The following MYO5C variants were observed in gnomAD, a reference collection of about 807,000 sequenced individuals.
The protein encoded by MYO5C is myosin VC, also known as unconventional myosin-Vc.
In MYO5C, 194 loss-of-function variants were observed where a neutral mutation model predicts 235.7. The ratio of observed to expected loss-of-function variants is 0.82; its 90% CI spans 0.73 to 0.93. The LOEUF is 0.93. MYO5C is among the 40% of genes least tolerant of loss of function. The pLI, the probability that MYO5C is intolerant of heterozygous loss-of-function variation, is 0.00. For missense variants in MYO5C, 2,038 were observed against 2,127.2 expected (o/e 0.96, Z 0.82); for synonymous variants, 707 against 754.8 (o/e 0.94, Z 1.04).
chr15:52,290,125 C>T (rs1207708740), intron 1 of MYO5C, among the ~76,000 whole-genome samples: 5 of 152,210 alleles, frequency 3.3e-5, no homozygotes, highest in Non-Finnish European at 7.4e-5. Flanking sequence ...CCTCCCATCT[C>T]CCCCACTGGC....
At chr15:52,283,524 T>C (rs2037202160) in intron 1 of MYO5C, among the ~76,000 whole-genome samples, 1 of 152,132 alleles carries the variant, frequency 6.6e-6, no homozygotes, top group South Asian at 2.1e-4. Context: ...GATGTACAAG[T>C]CTTTAGGTAG....
At chr15:52,242,301 A>G (rs2036243631) in intron 19 of MYO5C, 88 bp from the exon 20 acceptor site, 1 of 1,403,990 alleles carries the variant, frequency 7.1e-7, no homozygotes, top group Admixed American at 2.2e-5. Flanking sequence ...GCATGTGTTT[A>G]TAAGGAAGGT....
rs1291073405 is a variant in MYO5C, at chr15:52,195,384, T to G, written c.5069A>C (p.Lys1690Thr). 1.2e-6 allele frequency: 2 copies of G among 1,610,756 alleles called. No individual in the cohort carries two copies. Among genetic ancestry groups the G allele is most frequent in the Non-Finnish European group, 1.7e-6 (2 of 1,177,540 alleles). Residue 1690 changes from lysine to threonine, a missense_variant, in exon 40 of 41, where the codon AAA (lysine) becomes ACA (threonine). Transcript: ENST00000261839. ...CATCCTTAAGAATCTCACCTGTACT[T>G]TGCGAACAAAGGATGGAGTCACTCT... ...EKRVTPSFVR[K>T]VQALLNSRED...
intron 9 of MYO5C, among the ~76,000 whole-genome samples, chr15:52,263,739 C>T (rs1247278207): frequency 6.6e-6 from 1 of 152,202 alleles, no homozygotes; most frequent in Non-Finnish European, 1.5e-5. Context: ...TCTCTGACCA[C>T]CCCACATGAA....
At chr15:52,214,546 CTT>C in intron 33 of MYO5C, 55 bp downstream of exon 33, 1 of 1,236,108 alleles carries the variant, frequency 8.1e-7, no homozygotes, top group Non-Finnish European at 1.1e-6. Flanking sequence ...AAAATAAACA[CTT>C]GAGCGCATGT....
chr15:52,231,877 G>C (rs1362057244), intron 24 of MYO5C, among the ~76,000 whole-genome samples: 1 of 152,220 alleles, frequency 6.6e-6, no homozygotes, highest in Non-Finnish European at 1.5e-5. Context: ...ATTGAGATAG[G>C]AAAGGTGGGC....
At position 52,246,910 on chromosome 15, in the gene MYO5C, C is replaced by T. The variant is rs753253792; in HGVS notation, c.1979+7G>A. 5 of 1,611,038 alleles carry T rather than the reference C, an allele frequency of 3.1e-6. No individual in the cohort carries two copies. The highest frequency in any genetic ancestry group is 4.2e-6 in the Non-Finnish European group (5 of 1,178,424). On this transcript the variant is annotated splice_region_variant and intron_variant, in intron 16 of 40. Coordinates refer to ENST00000261839, the MANE Select transcript of MYO5C (RefSeq NM_018728.4). ...GTCTTCGCTGTGTGTTGCATAAGAA[C>T]ACTTACTCAAAGGGTAACTTCTCAT... is the stretch of plus-strand genomic sequence containing the variant.
intron 1 of MYO5C, among the ~76,000 whole-genome samples, chr15:52,285,649 TTGG>T (rs1566995206): frequency 6.6e-6 from 1 of 152,208 alleles, no homozygotes; most frequent in Non-Finnish European, 1.5e-5. Context: ...TCATATTATT[TTGG>T]TGGAGACGGA....
chr15:52,245,110 A>AG (rs2036309523), intron 18 of MYO5C, among the ~76,000 whole-genome samples: 1 of 152,138 alleles, frequency 6.6e-6, no homozygotes, highest in African/African-American at 2.4e-5. Flanking sequence ...ATCGTGGGAG[A>AG]GCTAAACAGG....
chr15:52,281,753 C>A (rs1305497929), intron 2 of MYO5C, among the ~76,000 whole-genome samples: 1 of 152,234 alleles, frequency 6.6e-6, no homozygotes, highest in Non-Finnish European at 1.5e-5. Flanking sequence ...TGTCTTTAAC[C>A]GCTGTGTTCA....
At chr15:52,268,251 A>G (rs1446891783) in intron 8 of MYO5C, among the ~76,000 whole-genome samples, 2 of 152,178 alleles carry the variant, frequency 1.3e-5, no homozygotes, top group Non-Finnish European at 2.9e-5. Context: ...ACATTTCAGC[A>G]AGAGAGATTT....
In MYO5C at chr15:52,278,959, G is replaced by A. The variant is rs749634108; in HGVS notation, c.363C>T (p.Ile121=). ...YKQLPIYGDA[I]IHAYSGQNMG... ...TGTTCTGCCCGCTGTAGGCGTGGAT[G>A]ATGGCATCTCCGTATATTGGCAACT... Residue 121 remains isoleucine, a synonymous_variant, in exon 4 of 41, where the codon ATC becomes ATT. Coordinates refer to ENST00000261839, the MANE Select transcript of MYO5C (RefSeq NM_018728.4). The A allele has an allele frequency of 2.5e-6, 4 of 1,613,970 alleles. No individual in the cohort carries two copies. The highest frequency in any genetic ancestry group is 2.7e-5 in the African/African-American group (2 of 74,904).
intron 33 of MYO5C, among the ~76,000 whole-genome samples, chr15:52,214,022 C>T (rs919049015): frequency 6.6e-6 from 1 of 152,134 alleles, no homozygotes; most frequent in Admixed American, 6.5e-5. Flanking sequence ...AAGATACAGC[C>T]TTGGCAGTAA....
chr15:52,217,130 T>C (rs2141280857), intron 32 of MYO5C, among the ~76,000 whole-genome samples: 1 of 152,348 alleles, frequency 6.6e-6, no homozygotes, highest in South Asian at 2.1e-4. Context: ...TCAGGTCTCA[T>C]TTGTGGGTAG....
At chr15:52,285,838 G>T (rs1407146420) in intron 1 of MYO5C, among the ~76,000 whole-genome samples, 1 of 152,324 alleles carries the variant, frequency 6.6e-6, no homozygotes, top group African/African-American at 2.4e-5. Context: ...CCTCCCAGCC[G>T]CCTGCCTTGG....
At chr15:52,294,589 C>T (rs2037459608) in intron 1 of MYO5C, among the ~76,000 whole-genome samples, 2 of 152,156 alleles carry the variant, frequency 1.3e-5, no homozygotes, top group South Asian at 2.1e-4. Context: ...AGCATGTGTC[C>T]GGGGAAATGG....
At chr15:52,259,924 A>C (rs952493127) in intron 10 of MYO5C, among the ~76,000 whole-genome samples, 1 of 152,212 alleles carries the variant, frequency 6.6e-6, no homozygotes, top group African/African-American at 2.4e-5. Context: ...AATGGGGTTG[A>C]GCTGCTTTTT....
At chr15:52,218,838 TC>T in intron 31 of MYO5C, 151 bp from the exon 32 acceptor site, 1 of 751,292 alleles carries the variant, frequency 1.3e-6, no homozygotes, top group African/African-American at 1.8e-5. Flanking sequence ...GGGGTGTCCT[TC>T]CAGGGGAAAG....
intron 8 of MYO5C, chr15:52,265,348 G>C (rs1035242349): frequency 1.3e-5 from 2 of 152,142 alleles, no homozygotes; most frequent in Admixed American, 6.5e-5. Context: ...GTGTGTTAAT[G>C]ACACTGTGGT....
Sources: allele counts gnomAD v4.1 joint callset (sites outside exome capture counted in the v4.1 genomes callset), GRCh38; gene constraint gnomAD v4.1.1; transcripts MANE v1.5; gene names NCBI Gene and HGNC (gene_info 2026-07-23, HGNC 2026-07-21).